Variants in MAPRE2 observed in about 807,000 individuals in gnomAD.
MAPRE2 encodes microtubule-associated protein RP/EB family member 2.
Under a neutral mutation model 43.2 loss-of-function variants are expected in MAPRE2, and 13 were observed. The observed-to-expected ratio is 0.30, with a 90% CI of 0.20 to 0.48. The LOEUF (loss-of-function observed/expected upper bound fraction) is 0.48, where lower values mean the gene tolerates loss of function less well. Ranked by LOEUF, MAPRE2 falls within the 20% of genes least tolerant of loss-of-function variation. The pLI is 0.99. For synonymous variants in MAPRE2, 135 were observed against 148.8 expected (o/e 0.91, Z 0.68); for missense variants, 161 against 400.2 (o/e 0.40, Z 5.10).
At chr18:35,020,360 C>T (rs1039011152) in intron 2 of MAPRE2, among the ~76,000 whole-genome samples, 1 of 152,084 alleles carries the variant, frequency 6.6e-6, no homozygotes, top group Non-Finnish European at 1.5e-5. Flanking sequence ...AATGACTATG[C>T]TTTATATTTG....
At chr18:35,015,234 G>A (rs1273897097) in intron 2 of MAPRE2, among the ~76,000 whole-genome samples, 1 of 152,086 alleles carries the variant, frequency 6.6e-6, no homozygotes, top group Non-Finnish European at 1.5e-5. Flanking sequence ...GAGTACAGGG[G>A]AAGGAGCAAG....
At chr18:35,092,389 T>C (rs1006566244) in intron 2 of MAPRE2, among the ~76,000 whole-genome samples, 2 of 152,214 alleles carry the variant, frequency 1.3e-5, no homozygotes, top group South Asian at 2.1e-4. Context: ...TAAATGATGC[T>C]AAGAAATCTG....
chr18:35,037,553 A>C (rs2097051196), upstream of MAPRE2, among the ~76,000 whole-genome samples: 1 of 152,240 alleles, frequency 6.6e-6, no homozygotes, highest in South Asian at 2.1e-4. Flanking sequence ...GGCAATGGTC[A>C]GCACATGCTT....
rs200079554 is a variant in MAPRE2 at position 35,104,344 on chromosome 18, A to AG, written c.610+2186dup. Among the ~76,000 whole-genome samples the AG allele has an allele frequency of 8.9e-3, 1,359 of 152,306 alleles. 14 individuals are homozygous for AG. The highest frequency in any genetic ancestry group is 0.031 in the African/African-American group (1,299 of 41,578). ...AGATTCAACCTTTAACAAATGTGTC[A>AG]GAAAAAAATGGAGGAAAATAAAAAC... On this transcript the variant is annotated intron_variant, in intron 4 of 6. Coordinates refer to ENST00000300249, the MANE Select transcript of MAPRE2 (RefSeq NM_014268.4).
chr18:34,982,770 A>T (rs1432646485), intron 1 of MAPRE2, among the ~76,000 whole-genome samples: 1 of 152,202 alleles, frequency 6.6e-6, no homozygotes, highest in African/African-American at 2.4e-5. Flanking sequence ...TGTTGAGATA[A>T]AACTCACGAC....
At chr18:35,079,163 A>G (rs1466643142) in intron 2 of MAPRE2, among the ~76,000 whole-genome samples, 1 of 152,214 alleles carries the variant, frequency 6.6e-6, no homozygotes, top group Admixed American at 6.5e-5. Context: ...TCCCAAGAAT[A>G]TGGTCCTTTT....
Position 35,126,995 on chromosome 18 carries a change from C to T in MAPRE2, c.658C>T (p.Arg220Ter), listed in dbSNP as rs1569014161. Reference sequence around the variant, plus strand: ...AGCTAAACCAGGATCCACACCTTCTCGACCCTCATCAGCCAAAAGGGCTTC... The same window carrying T: ...AGCTAAACCAGGATCCACACCTTCTTGACCCTCATCAGCCAAAAGGGCTTC... ...PAAKPGSTPS[R>*]PSSAKRASSS... is the part of the protein sequence containing the mutation. Residue 220 changes from arginine to a stop codon, truncating the protein, a stop_gained, in exon 5 of 7, where the codon CGA (arginine) becomes TGA (stop). Coordinates refer to ENST00000300249, the MANE Select transcript of MAPRE2 (RefSeq NM_014268.4). LOFTEE classifies it high-confidence loss of function. 1 of 1,614,166 alleles carries T rather than the reference C, an allele frequency of 6.2e-7. No individual in the cohort carries two copies. Among genetic ancestry groups the T allele is most frequent in the Non-Finnish European group, 8.5e-7 (1 of 1,179,996 alleles).
chr18:35,010,447 A>G (rs1189966838), intron 2 of MAPRE2, among the ~76,000 whole-genome samples: 2 of 152,138 alleles, frequency 1.3e-5, no homozygotes, highest in African/African-American at 4.8e-5. Context: ...GATGTAATAC[A>G]TCTTGTTTGT....
At chr18:35,003,238 A>C (rs1394780158) in intron 1 of MAPRE2, among the ~76,000 whole-genome samples, 4 of 152,142 alleles carry the variant, frequency 2.6e-5, no homozygotes, top group African/African-American at 9.7e-5. Context: ...CTAGGTCCTG[A>C]ACTTATGATG....
chr18:35,135,717 C>T (rs2120329), intron 6 of MAPRE2, among the ~76,000 whole-genome samples: 20,993 of 152,232 alleles, frequency 0.14, 1,661 homozygotes, highest in South Asian at 0.24. Flanking sequence ...TGTTTTCTGG[C>T]CAGCCCCACA....
intron 2 of MAPRE2, among the ~76,000 whole-genome samples, chr18:35,076,717 T>C (rs1354993178): frequency 6.6e-6 from 1 of 152,226 alleles, no homozygotes; most frequent in Non-Finnish European, 1.5e-5. Context: ...TCTCATCACA[T>C]GAGTATGTGA....
intron 2 of MAPRE2, among the ~76,000 whole-genome samples, chr18:35,092,278 C>G (rs1428853997): frequency 6.6e-6 from 1 of 152,186 alleles, no homozygotes; most frequent in Non-Finnish European, 1.5e-5. Context: ...ATACATAGAA[C>G]AATCCAACAG....
intron 6 of MAPRE2, among the ~76,000 whole-genome samples, chr18:35,134,205 G>A (rs1603404488): frequency 6.6e-6 from 1 of 152,336 alleles, no homozygotes; most frequent in African/African-American, 2.4e-5. Flanking sequence ...TAAGGCAGCA[G>A]AGAGGTTGAA....
intron 1 of MAPRE2, among the ~76,000 whole-genome samples, chr18:35,002,099 C>T (rs1355643044): frequency 6.6e-6 from 1 of 152,224 alleles, no homozygotes; most frequent in South Asian, 2.1e-4. Flanking sequence ...CAGCCCTCAC[C>T]CCCTCCTCTT....
intron 1 of MAPRE2, among the ~76,000 whole-genome samples, chr18:35,061,923 A>T (rs1184186194): frequency 6.6e-6 from 1 of 152,316 alleles, no homozygotes; most frequent in East Asian, 1.9e-4. Flanking sequence ...CTTGGGTGAA[A>T]TGTTTAAATC....
rs370177813 is a variant in MAPRE2, at chr18:35,132,853, C to T, written c.909+663C>T. Among the ~76,000 whole-genome samples the T allele has an allele frequency of 3.9e-5, 6 of 152,108 alleles. No homozygotes were observed. The East Asian group carries it at 7.7e-4, about 20-fold the overall frequency. On this transcript the variant is annotated intron_variant, in intron 6 of 6. Transcript: ENST00000300249. ...GAATCTAGGAAGCAAGGAGAGAAAG[C>T]GGGGCAGGATGCATGGCAGAGACTG...
chr18:35,025,506 C>T (rs778398479), intron 2 of MAPRE2, among the ~76,000 whole-genome samples: 12 of 152,078 alleles, frequency 7.9e-5, no homozygotes, highest in Non-Finnish European at 1.6e-4. Context: ...ATGATGTACT[C>T]GATTGTAATT....
intron 2 of MAPRE2, among the ~76,000 whole-genome samples, chr18:35,007,127 T>C (rs1253910030): frequency 6.6e-6 from 1 of 152,148 alleles, no homozygotes; most frequent in Non-Finnish European, 1.5e-5. Flanking sequence ...CCACCTAAGC[T>C]TTCTGTGTCT....
At chr18:35,079,602 T>C (rs1260008040) in intron 2 of MAPRE2, among the ~76,000 whole-genome samples, 1 of 151,984 alleles carries the variant, frequency 6.6e-6, no homozygotes, top group Non-Finnish European at 1.5e-5. Flanking sequence ...GATCTGCCAG[T>C]GGGTATGGTA....
Sources: gnomAD v4.1 joint callset for allele counts (sites outside exome capture counted in the v4.1 genomes callset) on GRCh38, gnomAD v4.1.1 for gene constraint, MANE v1.5 for transcripts, NCBI Gene and HGNC (gene_info 2026-07-23, HGNC 2026-07-21) for gene names.